Variants in NBEA observed in about 807,000 individuals in gnomAD.
The protein encoded by NBEA is neurobeachin.
In NBEA, 44 loss-of-function variants were observed where a neutral mutation model predicts 343.4. The ratio of observed to expected loss-of-function variants is 0.13; its 90% CI spans 0.10 to 0.16. The LOEUF is 0.16. NBEA is among the 10% of genes least tolerant of loss of function. NBEA has a pLI of 1.00. For synonymous variants in NBEA, 1,175 were observed against 1,238.7 expected, an observed-to-expected ratio of 0.95 and a Z score of 1.08; for missense variants, 2,555 against 3,631.3, an observed-to-expected ratio of 0.70 and a Z score of 7.62.
chr13:35,050,053 TA>T (rs1342971047), intron 5 of NBEA, among the ~76,000 whole-genome samples: 1 of 151,930 alleles, frequency 6.6e-6, no homozygotes, highest in East Asian at 1.9e-4. Context: ...ATTGAAATAC[TA>T]AAAGCTGTCA....
chr13:35,043,855 C>T (rs1170735152), intron 2 of NBEA, among the ~76,000 whole-genome samples: 1 of 151,822 alleles, frequency 6.6e-6, no homozygotes, highest in African/African-American at 2.4e-5. Flanking sequence ...CTAAGTATTT[C>T]AGCTTACCCT....
intron 41 of NBEA, chr13:35,477,036 C>CA (rs1363672910): frequency 6.0e-6 from 1 of 167,936 alleles, no homozygotes; most frequent in Non-Finnish European, 1.5e-5. Flanking sequence ...GGGCATCCAT[C>CA]AATTAGTGAT....
chr13:35,482,090 C>T (rs184467104), intron 41 of NBEA, among the ~76,000 whole-genome samples: 4 of 151,502 alleles, frequency 2.6e-5, no homozygotes, highest in Non-Finnish European at 4.4e-5. Flanking sequence ...TCTAAAATAA[C>T]CTTTCCTATT....
chr13:35,124,369 T>C (rs1351312937), intron 17 of NBEA, among the ~76,000 whole-genome samples: 1 of 151,446 alleles, frequency 6.6e-6, no homozygotes, highest in Non-Finnish European at 1.5e-5. Flanking sequence ...CCTAGAAGTT[T>C]AAATATTTTT....
chr13:35,188,412 C>A (rs1202378304), intron 30 of NBEA, among the ~76,000 whole-genome samples: 1 of 152,062 alleles, frequency 6.6e-6, no homozygotes, highest in Non-Finnish European at 1.5e-5. Flanking sequence ...TCTTCCCAGT[C>A]CCTAGTAACC....
intron 10 of NBEA, among the ~76,000 whole-genome samples, chr13:35,074,928 G>A (rs1030673031): frequency 3.3e-5 from 5 of 151,896 alleles, no homozygotes; most frequent in African/African-American, 1.2e-4. Flanking sequence ...TACATATCTG[G>A]TACTTTATTT....
intron 1 of NBEA, among the ~76,000 whole-genome samples, chr13:35,024,552 C>T (rs1047117378): frequency 6.6e-6 from 1 of 151,966 alleles, no homozygotes; most frequent in African/African-American, 2.4e-5. Flanking sequence ...TGGTGGTACA[C>T]ACCTGTAGTC....
At chr13:35,172,280 T>C (rs1466637865) in intron 26 of NBEA, among the ~76,000 whole-genome samples, 1 of 152,002 alleles carries the variant, frequency 6.6e-6, no homozygotes, top group Non-Finnish European at 1.5e-5. Context: ...TTCGTATTAT[T>C]TATTTAAAGA....
At chr13:34,969,457 TA>T (rs577218518) in intron 1 of NBEA, among the ~76,000 whole-genome samples, 137 of 152,198 alleles carry the variant, frequency 9.0e-4, no homozygotes, top group Non-Finnish European at 1.5e-3. Flanking sequence ...ATTTTTTACA[TA>T]GGTAAATATG....
At chr13:35,315,769 T>A (rs2037673475) in intron 36 of NBEA, among the ~76,000 whole-genome samples, 1 of 152,140 alleles carries the variant, frequency 6.6e-6, no homozygotes. Context: ...AGAAGCATAT[T>A]GCATCCAAGT....
At chr13:35,285,335 CAAAAAGATT>C (rs1566566895) in intron 34 of NBEA, among the ~76,000 whole-genome samples, 2 of 151,962 alleles carry the variant, frequency 1.3e-5, no homozygotes, top group African/African-American at 4.8e-5. Flanking sequence ...CCAAAACAAA[CAAAAAGATT>C]AAAAATCATT....
chr13:35,173,892 A>G (rs562592801), intron 27 of NBEA, among the ~76,000 whole-genome samples: 2 of 152,324 alleles, frequency 1.3e-5, no homozygotes, highest in Admixed American at 6.5e-5. Flanking sequence ...TTTTCACAGA[A>G]TTTAATGTAT....
chr13:35,088,512 A>C (rs143602315), intron 10 of NBEA, among the ~76,000 whole-genome samples: 137 of 152,002 alleles, frequency 9.0e-4, no homozygotes, highest in Non-Finnish European at 1.5e-3. Flanking sequence ...GGAAAATGCA[A>C]GGTGATGTTT....
intron 41 of NBEA, among the ~76,000 whole-genome samples, chr13:35,513,313 T>TA (rs918408355): frequency 7.0e-6 from 1 of 143,160 alleles, no homozygotes; most frequent in African/African-American, 2.6e-5. Context: ...TTTTTTTTTT[T>TA]TTTTTTTTTT....
At position 35,142,668 on chromosome 13, in the gene NBEA, A is replaced by G. The variant is rs140424607; in HGVS notation, c.2445+291A>G. 4.9e-3 allele frequency among the ~76,000 whole-genome samples: 739 copies of G among 152,218 alleles called. 6 individuals are homozygous for G. The highest frequency in any genetic ancestry group is 0.017 in the African/African-American group (693 of 41,536). ...CTCACATAAACTACATCCGTTATGT[A>G]GTATTAGTTCTGCTTCCCCATCCCC... is the stretch of plus-strand genomic sequence containing the variant. On this transcript the variant is annotated intron_variant, in intron 18 of 58. Transcript: ENST00000379939.
At chr13:35,094,423 C>T (rs1369307296) in intron 10 of NBEA, among the ~76,000 whole-genome samples, 1 of 152,080 alleles carries the variant, frequency 6.6e-6, no homozygotes, top group Non-Finnish European at 1.5e-5. Flanking sequence ...CATTTACCGC[C>T]TATGTAGGCA....
Position 35,124,715 on chromosome 13 carries a change from G to GAT in NBEA, c.2336+1149_2336+1150dup, listed in dbSNP as rs1204205978. Among the ~76,000 whole-genome samples, 84 of 148,898 alleles carry GAT rather than the reference G, an allele frequency of 5.6e-4. 1 individual carries two copies. Among genetic ancestry groups the GAT allele is most frequent in the Middle Eastern group, 3.6e-3 (1 of 276 alleles). ...ATATATATACACACATATATGTATG[G>GAT]ATATATATACACATATGTATGGATA... On this transcript the variant is annotated intron_variant, in intron 17 of 58. Coordinates refer to ENST00000379939, the MANE Select transcript of NBEA (RefSeq NM_001385012.1).
At chr13:35,061,391 A>G (rs1375479278) in intron 8 of NBEA, among the ~76,000 whole-genome samples, 1 of 151,812 alleles carries the variant, frequency 6.6e-6, no homozygotes, top group Non-Finnish European at 1.5e-5. Flanking sequence ...AAAATTTACT[A>G]TCAGATAAGT....
At position 35,047,588 on chromosome 13, in the gene NBEA, A is replaced by G. The variant is rs573107724; in HGVS notation, c.724-975A>G. Among the ~76,000 whole-genome samples, 4 of 152,082 alleles carry G rather than the reference A, an allele frequency of 2.6e-5. No homozygotes were observed. In the South Asian group the frequency reaches 8.3e-4, roughly 32 times the overall value. On this transcript the variant is annotated intron_variant, in intron 4 of 58. Transcript: ENST00000379939. ...CATGATGTATAGGAAGAGGAACTGT[A>G]AAAGAACTAGTGGAATAGCTGGTAT...
Sources: gnomAD v4.1 joint callset for allele counts (sites outside exome capture counted in the v4.1 genomes callset) on GRCh38, gnomAD v4.1.1 for gene constraint, MANE v1.5 for transcripts, NCBI Gene and HGNC (gene_info 2026-07-23, HGNC 2026-07-21) for gene names.